GLCCI1: variants seen among roughly 807,000 people sequenced by gnomAD.
The protein encoded by GLCCI1 is glucocorticoid induced 1, also known as glucocorticoid-induced transcript 1 protein.
A neutral mutation model predicts 52.2 loss-of-function variants in GLCCI1; 24 were observed. That is an observed-to-expected ratio of 0.46 (90% CI 0.33 to 0.65). The LOEUF is 0.65. Ranked by LOEUF, GLCCI1 falls within the 30% of genes least tolerant of loss-of-function variation. The probability of loss-of-function intolerance (pLI) is 0.02; values close to 1 mark genes in which losing one functional copy is unlikely to be tolerated. For synonymous variants in GLCCI1, 310 were observed against 276.5 expected, an observed-to-expected ratio of 1.12 and a Z score of -1.20; for missense variants, 704 against 701.5, an observed-to-expected ratio of 1.00 and a Z score of -0.04.
intron 2 of GLCCI1, among the ~76,000 whole-genome samples, chr7:8,012,432 C>CTTTTTTTTTTTCTTTTT (rs1781283099): frequency 1.4e-5 from 1 of 70,396 alleles, no homozygotes; most frequent in Non-Finnish European, 2.5e-5. Context: ...CCTTTTTATT[C>CTTTTTTTTTTTCTTTTT]TTTTTTTTTT....
At chr7:8,078,502 A>T (rs186135664) in intron 6 of GLCCI1, 1 of 152,238 alleles carries the variant, frequency 6.6e-6, no homozygotes, top group African/African-American at 2.4e-5. Flanking sequence ...TGATATATGT[A>T]TATAATTCAT....
At chr7:8,028,151 G>C (rs1351485959) in intron 3 of GLCCI1, among the ~76,000 whole-genome samples, 1 of 152,174 alleles carries the variant, frequency 6.6e-6, no homozygotes, top group Non-Finnish European at 1.5e-5. Context: ...AACAGCCTCA[G>C]AATACAAATT....
Position 8,086,351 on chromosome 7 carries a change from G to A in GLCCI1, c.1457G>A (p.Ser486Asn). The A allele has an allele frequency of 6.2e-7, 1 of 1,613,980 alleles. No homozygotes were observed. The highest frequency in any genetic ancestry group is 8.5e-7 in the Non-Finnish European group (1 of 1,179,946). ...MLKNSPNSGQ[S>N]SALATLTVEQ... The stretch of plus-strand genomic sequence containing the variant: ...AAGAACTCCCCTAACTCTGGCCAGA[G>A]CTCAGCTTTGGCAACTCTGACCGTT... The change falls in exon 8 of 8, where the codon AGC (serine) becomes AAC (asparagine). Residue 486 changes from serine to asparagine, a missense_variant. Transcript: ENST00000223145. This position sits in a 1 kb window ranked among gnomAD's most constrained non-coding sequence, Gnocchi z 4.4.
intron 1 of GLCCI1, among the ~76,000 whole-genome samples, chr7:7,982,734 G>A (rs1043686554): frequency 6.6e-6 from 1 of 152,032 alleles, no homozygotes; most frequent in African/African-American, 2.4e-5. Context: ...TCTCAATTTT[G>A]TATAAATGGC....
At chr7:8,042,854 G>C (rs374764551) in intron 3 of GLCCI1, among the ~76,000 whole-genome samples, 103 of 152,302 alleles carry the variant, frequency 6.8e-4, no homozygotes, top group African/African-American at 2.3e-3. Context: ...GGGTTTGAGA[G>C]GATTGACTCC....
At position 8,021,752 on chromosome 7, in the gene GLCCI1, G is replaced by A. The variant is rs545783982; in HGVS notation, c.610-731G>A. On this transcript the variant is annotated intron_variant, in intron 2 of 7. Transcript: ENST00000223145. ...TATTAAATGGTCTTAACCACTGTAT[G>A]GCATTATTTCGGATTTAGTGATTTG... Among the ~76,000 whole-genome samples, 199 of 152,296 alleles carry A rather than the reference G, an allele frequency of 1.3e-3. 3 individuals are homozygous for A. The highest frequency in any genetic ancestry group is 4.4e-3 in the African/African-American group (184 of 41,552).
At chr7:8,004,177 G>A in intron 2 of GLCCI1, 118 bp downstream of exon 2, 3 of 921,912 alleles carry the variant, frequency 3.3e-6, no homozygotes, top group African/African-American at 1.6e-5. Context: ...AACCAAGGAA[G>A]AAAGGAAAAA....
intron 1 of GLCCI1, among the ~76,000 whole-genome samples, chr7:7,993,345 C>T (rs111746326): frequency 0.029 from 4,419 of 152,222 alleles, 204 homozygotes; most frequent in African/African-American, 0.093. Flanking sequence ...TTTTTCTCAA[C>T]CTTCTCTTTT....
chr7:8,071,012 T>C lies in GLCCI1; in HGVS notation c.1058T>C (p.Val353Ala). Residue 353 changes from valine (V) to alanine (A), a missense_variant, in exon 6 of 8, where the codon GTC (valine) becomes GCC (alanine). Physicochemically the swap from Val to Ala is moderately conservative, Grantham distance 64. Around this residue, in one of 3 missense-constraint regions of GLCCI1, gnomAD observed 547 missense variants for 524.8 expected, o/e 1.04. Transcript: ENST00000223145. The stretch of plus-strand genomic sequence containing the variant: ...AGCATTGACACTCAGACTCCTTCTG[T>C]CCAGGAGCGCAGCAGTAGCTGCAGC... ...TRSIDTQTPSVQERSSSCSSH... is the reference protein window; with the variant it reads ...TRSIDTQTPSAQERSSSCSSH... The C allele has an allele frequency of 6.2e-7, 1 of 1,614,182 alleles. No homozygotes were observed.
intron 3 of GLCCI1, among the ~76,000 whole-genome samples, chr7:8,054,261 A>C (rs1004814692): frequency 6.6e-6 from 1 of 152,128 alleles, no homozygotes; most frequent in Non-Finnish European, 1.5e-5. Flanking sequence ...TCTTGTAAAA[A>C]TTAATGTTCT....
intron 5 of GLCCI1, among the ~76,000 whole-genome samples, chr7:8,069,550 C>T (rs987288384): frequency 1.3e-5 from 2 of 152,050 alleles, no homozygotes; most frequent in Admixed American, 1.3e-4. Flanking sequence ...GGGAGCCCCA[C>T]CGGGTGAAAG....
At chr7:8,035,614 A>C (rs1781850090) in intron 3 of GLCCI1, among the ~76,000 whole-genome samples, 2 of 152,158 alleles carry the variant, frequency 1.3e-5, no homozygotes, top group Admixed American at 1.3e-4. Context: ...AGAACCACAA[A>C]GATGTATGTT....
chr7:8,040,857 C>T (rs1409356590), intron 3 of GLCCI1, among the ~76,000 whole-genome samples: 1 of 152,180 alleles, frequency 6.6e-6, no homozygotes, highest in Non-Finnish European at 1.5e-5. Context: ...CATCAACTAT[C>T]ATTTTCCTCT....
intron 2 of GLCCI1, among the ~76,000 whole-genome samples, chr7:8,006,314 T>C (rs1781148155): frequency 6.6e-6 from 1 of 152,128 alleles, no homozygotes; most frequent in South Asian, 2.1e-4. Context: ...CACATTGTCT[T>C]GGAGAGTGCA....
At chr7:8,008,916 C>A (rs1193817025) in intron 2 of GLCCI1, among the ~76,000 whole-genome samples, 1 of 151,106 alleles carries the variant, frequency 6.6e-6, no homozygotes, top group Admixed American at 6.6e-5. Context: ...TTTAACTGTT[C>A]TGTTTGAAAT....
chr7:8,036,104 A>G (rs978612420), intron 3 of GLCCI1, among the ~76,000 whole-genome samples: 1 of 152,200 alleles, frequency 6.6e-6, no homozygotes, highest in African/African-American at 2.4e-5. Context: ...CATAAGCACC[A>G]CCTATTGGTC....
chr7:7,986,925 C>A (rs1190674776), intron 1 of GLCCI1, among the ~76,000 whole-genome samples: 2 of 152,200 alleles, frequency 1.3e-5, no homozygotes, highest in East Asian at 3.8e-4. Flanking sequence ...ATCTACTGAA[C>A]ATGGTGGGGT....
chr7:7,986,204 A>G (rs535053116), intron 1 of GLCCI1, among the ~76,000 whole-genome samples: 1 of 152,212 alleles, frequency 6.6e-6, no homozygotes, highest in Non-Finnish European at 1.5e-5. Context: ...TATTCAATTT[A>G]CATGCTTTGA....
intron 2 of GLCCI1, among the ~76,000 whole-genome samples, chr7:8,012,455 T>TTTTTTTTTTG (rs1781284929): frequency 1.5e-5 from 1 of 64,710 alleles, no homozygotes; most frequent in Non-Finnish European, 3.2e-5. Context: ...TTTTTTTTTT[T>TTTTTTTTTTG]TTTTTTTGAG....
Sources: allele counts gnomAD v4.1 joint callset (sites outside exome capture counted in the v4.1 genomes callset), GRCh38; gene constraint gnomAD v4.1.1; regional missense constraint gnomAD v4.1.1; non-coding constraint Gnocchi (gnomAD v3.1); transcripts MANE v1.5; gene names NCBI Gene and HGNC (gene_info 2026-07-23, HGNC 2026-07-21).